The following TACC2 variants were observed in gnomAD, a reference collection of about 807,000 sequenced individuals.
TACC2 encodes transforming acidic coiled-coil containing protein 2.
A neutral mutation model predicts 227.3 loss-of-function variants in TACC2; 137 were observed. The observed-to-expected ratio is 0.60, with a 90% CI of 0.52 to 0.69. The LOEUF (loss-of-function observed/expected upper bound fraction) is 0.69. TACC2 is among the 30% of genes least tolerant of loss of function. The pLI, the probability that TACC2 is intolerant of heterozygous loss-of-function variation, is 0.00. For missense variants in TACC2, 3,470 were observed against 3,694.4 expected (o/e 0.94, Z 1.57); for synonymous variants, 1,523 against 1,487.5 (o/e 1.02, Z -0.55).
In TACC2 at chr10:122,180,980, G is replaced by A. The variant is rs1287238837; in HGVS notation, c.5835-14060G>A. 6.6e-6 allele frequency among the ~76,000 whole-genome samples: 1 copy of A among 151,680 alleles called. No individual in the cohort carries two copies. The highest frequency in any genetic ancestry group is 2.4e-5 in the African/African-American group (1 of 41,270). ...GCTGGTCTTGAACTCCTGACCTCAGGTGATCCACCCACCTCAGCCTCCCAA... is the reference window on the plus strand; with the variant it reads ...GCTGGTCTTGAACTCCTGACCTCAGATGATCCACCCACCTCAGCCTCCCAA... On this transcript the variant is annotated intron_variant, in intron 7 of 22. Coordinates refer to ENST00000369005, the MANE Select transcript of TACC2 (RefSeq NM_206862.4). The surrounding 1 kb of genome is among the most constrained non-coding windows in gnomAD (Gnocchi z 4.5).
intron 11 of TACC2, 77 bp from the exon 12 acceptor site, chr10:122,224,649 G>T: frequency 7.3e-7 from 1 of 1,363,400 alleles, no homozygotes; most frequent in Non-Finnish European, 1.0e-6. Context: ...GCCTGGCTCA[G>T]ATCTTCCCAT....
chr10:122,126,358 A>C (rs1345559702), intron 5 of TACC2, among the ~76,000 whole-genome samples: 1 of 52,346 alleles, frequency 1.9e-5, no homozygotes, highest in Admixed American at 2.7e-4. Flanking sequence ...TTGATGTTCA[A>C]ATAGTCCCAG....
intron 6 of TACC2, 116 bp downstream of exon 6, chr10:122,132,850 C>A (rs894025679): frequency 9.4e-7 from 1 of 1,066,078 alleles, no homozygotes; most frequent in Non-Finnish European, 1.4e-6. Flanking sequence ...CAGTTTCACC[C>A]CCTCTGCACA....
At chr10:121,995,839 C>T (rs573590918) in intron 1 of TACC2, among the ~76,000 whole-genome samples, 6 of 152,154 alleles carry the variant, frequency 3.9e-5, no homozygotes, top group East Asian at 3.9e-4. Context: ...CTGCAACTTC[C>T]GCCCCCTGGG....
At chr10:122,157,382 A>G (rs892969856) in intron 7 of TACC2, among the ~76,000 whole-genome samples, 1 of 152,314 alleles carries the variant, frequency 6.6e-6, no homozygotes, top group South Asian at 2.1e-4. Flanking sequence ...TGACATAGCT[A>G]TATGGAAGAA....
chr10:122,175,011 C>A (rs1371934674), intron 7 of TACC2, among the ~76,000 whole-genome samples: 1 of 152,032 alleles, frequency 6.6e-6, no homozygotes, highest in Non-Finnish European at 1.5e-5. Flanking sequence ...ATTCTGTTGC[C>A]CAGGCTGGAG....
intron 7 of TACC2, among the ~76,000 whole-genome samples, chr10:122,148,121 T>A (rs2091619258): frequency 2.0e-5 from 3 of 149,950 alleles, no homozygotes; most frequent in Non-Finnish European, 4.4e-5. Flanking sequence ...TTTTTTTTTT[T>A]AGGCAGAGTT....
intron 6 of TACC2, among the ~76,000 whole-genome samples, chr10:122,134,830 A>G (rs2089238815): frequency 1.3e-5 from 2 of 152,168 alleles, no homozygotes; most frequent in African/African-American, 4.8e-5. Context: ...ACTTGGCGGG[A>G]TGGCTCTCAG....
intron 3 of TACC2, among the ~76,000 whole-genome samples, chr10:122,058,959 C>T (rs1029915452): frequency 2.0e-5 from 3 of 149,904 alleles, no homozygotes; most frequent in African/African-American, 7.4e-5. Context: ...GTGGCGCAAT[C>T]TCGGCTCACT....
At chr10:122,080,471 T>C (rs11200383) in intron 3 of TACC2, among the ~76,000 whole-genome samples, 6,490 of 152,122 alleles carry the variant, frequency 0.043, 176 homozygotes, top group African/African-American at 0.073. Flanking sequence ...TGAGCTCAAG[T>C]GATCTGCCTG....
intron 3 of TACC2, among the ~76,000 whole-genome samples, chr10:122,068,501 A>G (rs2077630673): frequency 6.6e-6 from 1 of 152,120 alleles, no homozygotes; most frequent in Non-Finnish European, 1.5e-5. Context: ...GCTTCATTAG[A>G]TGGAACGAGA....
intron 16 of TACC2, among the ~76,000 whole-genome samples, chr10:122,235,974 C>T (rs993008289): frequency 5.3e-5 from 8 of 152,140 alleles, no homozygotes; most frequent in East Asian, 3.9e-4. Context: ...AGGCAACAGA[C>T]GTTCAATCTT....
chr10:122,132,565 A>G, intron 5 of TACC2, 44 bp from the exon 6 acceptor site: 1 of 1,611,012 alleles, frequency 6.2e-7, no homozygotes, highest in East Asian at 2.2e-5. Flanking sequence ...AAAAACTTGT[A>G]GGAATGTTTC....
At chr10:122,116,039 C>T (rs11200406) in intron 5 of TACC2, among the ~76,000 whole-genome samples, 15,377 of 152,086 alleles carry the variant, frequency 0.1, 875 homozygotes, top group East Asian at 0.23. Flanking sequence ...ATTGAGGTCG[C>T]AGTCCTTGGT....
intron 19 of TACC2, among the ~76,000 whole-genome samples, chr10:122,245,883 G>C (rs1354424456): frequency 6.6e-6 from 1 of 152,136 alleles, no homozygotes; most frequent in Non-Finnish European, 1.5e-5. Flanking sequence ...TTAAAACCCT[G>C]CTCAAGGTCA....
At chr10:122,155,111 G>A (rs1442427570) in intron 7 of TACC2, among the ~76,000 whole-genome samples, 1 of 152,224 alleles carries the variant, frequency 6.6e-6, no homozygotes, top group Non-Finnish European at 1.5e-5. Flanking sequence ...AGGACGGAGA[G>A]GCAGGGAAGT....
chr10:122,082,358 T>C (rs1474307717), intron 3 of TACC2, among the ~76,000 whole-genome samples: 1 of 152,190 alleles, frequency 6.6e-6, no homozygotes, highest in Non-Finnish European at 1.5e-5. Context: ...TTTATACTAC[T>C]ATAAATGAGT....
intron 4 of TACC2, 148 bp downstream of exon 4, chr10:122,088,107 C>T (rs755896793): frequency 4.7e-6 from 4 of 855,090 alleles, no homozygotes; most frequent in African/African-American, 3.5e-5. Flanking sequence ...CTGCTTACCC[C>T]CTCTGGATGT....
Position 122,195,147 on chromosome 10 carries a change from T to C in TACC2, c.5942T>C (p.Val1981Ala). The C allele has an allele frequency of 8.5e-6, 13 of 1,529,940 alleles. No individual in the cohort carries two copies. Among genetic ancestry groups the C allele is most frequent in the Non-Finnish European group, 1.1e-5 (13 of 1,139,374 alleles). The allele number at this position is 1,529,940 out of a possible 1,614,324, so 94.8% of individuals were successfully genotyped here. ...PPPEVIPEPEVSTQPPPEEPG... is the reference protein window; with the variant it reads ...PPPEVIPEPEASTQPPPEEPG... ...CCCGAAGTCATCCCAGAACCCGAGGTCAGCACACAGCCACCCCCGGAAGAA... is the reference window on the plus strand; with the variant it reads ...CCCGAAGTCATCCCAGAACCCGAGGCCAGCACACAGCCACCCCCGGAAGAA... Residue 1981 changes from valine to alanine, a missense_variant, in exon 8 of 23, where the codon GTC becomes GCC. Physicochemically the swap from Val to Ala is moderately conservative, Grantham distance 64 (BLOSUM62 0). Transcript: ENST00000369005.
Sources: gnomAD v4.1 joint callset for allele counts (sites outside exome capture counted in the v4.1 genomes callset) on GRCh38, gnomAD v4.1.1 for gene constraint, Gnocchi (gnomAD v3.1) non-coding constraint, MANE v1.5 for transcripts, NCBI Gene and HGNC (gene_info 2026-07-23, HGNC 2026-07-21) for gene names.